Variants in JAZF1 observed in about 807,000 individuals in gnomAD.
The protein encoded by JAZF1 is JAZF zinc finger 1, also known as juxtaposed with another zinc finger protein 1.
JAZF1 carries 8 observed loss-of-function variants against 26.4 expected under a neutral mutation model. That is an observed-to-expected ratio of 0.30 (90% CI 0.18 to 0.55). The LOEUF (loss-of-function observed/expected upper bound fraction) is 0.55, where lower values mean the gene tolerates loss of function less well. Ranked by LOEUF, JAZF1 falls within the 20% of genes least tolerant of loss-of-function variation. The pLI is 0.94. For missense variants in JAZF1, 199 were observed against 322.0 expected, an observed-to-expected ratio of 0.62 and a Z score of 2.92; for synonymous variants, 126 against 122.3, an observed-to-expected ratio of 1.03 and a Z score of -0.20.
intron 3 of JAZF1, among the ~76,000 whole-genome samples, chr7:27,873,661 G>C (rs1783623040): frequency 6.6e-6 from 1 of 152,194 alleles, no homozygotes; most frequent in African/African-American, 2.4e-5. Flanking sequence ...CATGATAGCG[G>C]TTCACTGAAG....
chr7:28,003,454 A>T lies in JAZF1; in HGVS notation c.116-11473T>A, dbSNP rs147818857. On this transcript the variant is annotated intron_variant, in intron 1 of 4. Coordinates refer to ENST00000283928, the MANE Select transcript of JAZF1 (RefSeq NM_175061.4). The stretch of plus-strand genomic sequence containing the variant: ...AGTGGGCAATAATGAAGCAAATTGC[A>T]CATGCATATTACTTCTGAGTTATGA... Among the ~76,000 whole-genome samples, 196 of 152,350 alleles carry T rather than the reference A, an allele frequency of 1.3e-3. 3 individuals are homozygous for T. The highest frequency in any genetic ancestry group is 0.012 in the South Asian group (57 of 4,824).
At chr7:27,982,549 GC>G (rs1422377111) in intron 2 of JAZF1, among the ~76,000 whole-genome samples, 1 of 152,214 alleles carries the variant, frequency 6.6e-6, no homozygotes, top group Admixed American at 6.5e-5. Context: ...ATAAAAGGCA[GC>G]AAAAACTTCT....
intron 3 of JAZF1, among the ~76,000 whole-genome samples, chr7:27,849,824 C>G (rs1783109651): frequency 6.7e-6 from 1 of 149,900 alleles, no homozygotes; most frequent in Non-Finnish European, 1.5e-5. Flanking sequence ...ACATCGCCAT[C>G]CAGGGGCCCC....
intron 1 of JAZF1, among the ~76,000 whole-genome samples, chr7:28,140,228 G>A (rs768457086): frequency 9.9e-5 from 15 of 151,742 alleles, no homozygotes; most frequent in East Asian, 5.8e-4. Flanking sequence ...GATTACAGGC[G>A]CCCACTACCA....
intron 3 of JAZF1, among the ~76,000 whole-genome samples, chr7:27,877,289 T>TA (rs773705557): frequency 1.4e-4 from 21 of 152,172 alleles, no homozygotes; most frequent in Non-Finnish European, 1.9e-4. Flanking sequence ...AATATGGAAA[T>TA]ACCAAACTTT....
chr7:28,138,732 C>G (rs1782921452), intron 1 of JAZF1, among the ~76,000 whole-genome samples: 1 of 152,176 alleles, frequency 6.6e-6, no homozygotes, highest in Non-Finnish European at 1.5e-5. Context: ...CAAAGACTGA[C>G]AGTCCTGGAA....
intron 1 of JAZF1, among the ~76,000 whole-genome samples, chr7:28,054,303 A>C (rs886989279): frequency 6.6e-6 from 1 of 152,218 alleles, no homozygotes; most frequent in Non-Finnish European, 1.5e-5. Context: ...GATACAACTT[A>C]AAAAGAATCT....
At chr7:27,898,286 C>CACATATATAT (rs1704268987) in intron 2 of JAZF1, among the ~76,000 whole-genome samples, 4 of 99,616 alleles carry the variant, frequency 4.0e-5, no homozygotes, top group Non-Finnish European at 7.5e-5. Context: ...ACGTCTAACT[C>CACATATATAT]ATATATATAT....
intron 1 of JAZF1, among the ~76,000 whole-genome samples, chr7:28,038,221 T>C (rs1258562484): frequency 2.0e-5 from 3 of 152,182 alleles, no homozygotes; most frequent in South Asian, 2.1e-4. Flanking sequence ...TAACATATTA[T>C]ATTAGAGTAA....
chr7:27,941,802 T>G (rs1261903357), intron 2 of JAZF1, among the ~76,000 whole-genome samples: 1 of 152,202 alleles, frequency 6.6e-6, no homozygotes, highest in Non-Finnish European at 1.5e-5. Flanking sequence ...TGCATCTTAC[T>G]TGTGGCCTGT....
intron 1 of JAZF1, among the ~76,000 whole-genome samples, chr7:28,179,657 A>G (rs1783604257): frequency 6.7e-6 from 1 of 149,158 alleles, no homozygotes. Context: ...CCAAGACCTC[A>G]GCCCGCAGCG....
chr7:27,913,508 G>A (rs1383154754), intron 2 of JAZF1: 2 of 337,622 alleles, frequency 5.9e-6, no homozygotes, highest in Middle Eastern at 4.0e-4. Flanking sequence ...AGAGCTTGGT[G>A]GGAGGGGCGC....
intron 1 of JAZF1, among the ~76,000 whole-genome samples, chr7:28,060,193 C>A (rs1457473959): frequency 6.6e-6 from 1 of 151,942 alleles, no homozygotes; most frequent in African/African-American, 2.4e-5. Flanking sequence ...TTCAAATTTT[C>A]TTTGTTATTT....
intron 2 of JAZF1, among the ~76,000 whole-genome samples, chr7:27,951,930 GC>G (rs1237121807): frequency 2.6e-5 from 4 of 152,232 alleles, no homozygotes; most frequent in Admixed American, 1.3e-4. Flanking sequence ...CTCCTTTCAT[GC>G]TCACTCCATT....
chr7:27,898,301 A>ATATATATG (rs1413349151), intron 2 of JAZF1, among the ~76,000 whole-genome samples: 2 of 103,246 alleles, frequency 1.9e-5, no homozygotes, highest in East Asian at 5.8e-4. Flanking sequence ...ATATATATAT[A>ATATATATG]TATACATCGG....
At chr7:28,005,402 C>T (rs1341221464) in intron 1 of JAZF1, among the ~76,000 whole-genome samples, 1 of 149,980 alleles carries the variant, frequency 6.7e-6, no homozygotes, top group African/African-American at 2.5e-5. Flanking sequence ...CCAGGGAAGC[C>T]GAATCATTGC....
intron 1 of JAZF1, among the ~76,000 whole-genome samples, chr7:28,142,735 C>T (rs568388220): frequency 2.3e-4 from 35 of 152,270 alleles, no homozygotes; most frequent in African/African-American, 7.5e-4. Context: ...GCAGCCCTTT[C>T]GTCAAAAGAG....
rs780613122 is a variant in JAZF1, at chr7:27,952,259, C to T, written c.188+39650G>A. On this transcript the variant is annotated intron_variant, in intron 2 of 4. Transcript: ENST00000283928. Reference sequence around the variant, plus strand: ...CACCTAGCACAGAAGGGGTAATGAACCCTAAGAGGTGGGGAGGGGTCAGAG... The same window carrying T: ...CACCTAGCACAGAAGGGGTAATGAATCCTAAGAGGTGGGGAGGGGTCAGAG... Among the ~76,000 whole-genome samples, 4 of 152,140 alleles carry T rather than the reference C, an allele frequency of 2.6e-5. 1 individual carries two copies. The highest frequency in any genetic ancestry group is 5.9e-5 in the Non-Finnish European group (4 of 68,020).
chr7:27,888,518 T>C lies in JAZF1; in HGVS notation c.385+6702A>G, dbSNP rs952084167. ...ACTCCATTCAGATAGAGCTTCTAAATGCCAAGCAAAATTCTATCAGTCCTG... is the reference window on the plus strand; with the variant it reads ...ACTCCATTCAGATAGAGCTTCTAAACGCCAAGCAAAATTCTATCAGTCCTG... On this transcript the variant is annotated intron_variant, in intron 3 of 4. Coordinates refer to ENST00000283928, the MANE Select transcript of JAZF1 (RefSeq NM_175061.4). 3.9e-5 allele frequency among the ~76,000 whole-genome samples: 6 copies of C among 152,160 alleles called. No homozygotes were observed. In the South Asian group the frequency reaches 1.2e-3, roughly 31 times the overall value.
Sources: allele counts gnomAD v4.1 joint callset (sites outside exome capture counted in the v4.1 genomes callset), GRCh38; gene constraint gnomAD v4.1.1; transcripts MANE v1.5; gene names NCBI Gene and HGNC (gene_info 2026-07-23, HGNC 2026-07-21).